Variants in ZNF229 observed in about 807,000 individuals in gnomAD.
ZNF229 encodes the protein zinc finger protein 229.
In ZNF229, 10 loss-of-function variants were observed where a neutral mutation model predicts 11.8. The observed-to-expected ratio is 0.85, with a 90% CI of 0.52 to 1.44. The LOEUF (loss-of-function observed/expected upper bound fraction) is 1.44, where lower values mean the gene tolerates loss of function less well. Ranked by LOEUF, ZNF229 falls within the 40% of genes most tolerant of loss-of-function variation. The pLI is 0.00. For synonymous variants in ZNF229, 368 were observed against 374.8 expected (o/e 0.98, Z 0.21); for missense variants, 1,045 against 1,015.1 (o/e 1.03, Z -0.40).
In ZNF229 at chr19:44,428,867, A is replaced by C; in HGVS notation, c.1914T>G (p.Ser638Arg). Residue 638 changes from serine to arginine, a missense_variant, in exon 6 of 6, where the codon AGT (serine) becomes AGG (arginine). Coordinates refer to ENST00000614049, the MANE Select transcript of ZNF229 (RefSeq NM_014518.4). ...YKCAECGKGF[S>R]YSSGLLIHQR... ...GGTGAATGAGAAGCCCTGAGCTGTA[A>C]CTGAAGCCTTTGCCACACTCAGCAC... 6.2e-7 allele frequency: 1 copy of C among 1,610,716 alleles called. No individual in the cohort carries two copies. The highest frequency in any genetic ancestry group is 8.5e-7 in the Non-Finnish European group (1 of 1,179,214).
At position 44,442,937 on chromosome 19, in the gene ZNF229, T is replaced by C; in HGVS notation, c.-90A>G. The C allele has an allele frequency of 6.7e-7, 1 of 1,491,254 alleles. No homozygotes were observed. The highest frequency in any genetic ancestry group is 1.7e-5 in the Admixed American group (1 of 59,068). The allele number at this position is 1,491,254 out of a possible 1,614,324, so 92.4% of individuals were successfully genotyped here. On this transcript the variant is annotated 5_prime_UTR_variant, in exon 3 of 6. Transcript: ENST00000614049. ...TGGAGACGCAGAAGATCCAGGCCTT[T>C]TTCATTCCGGAAACTCTCCAAGCTC...
At chr19:44,432,391 A>G (rs778069893) in intron 4 of ZNF229, 25 bp from the exon 5 acceptor site, 2 of 1,610,232 alleles carry the variant, frequency 1.2e-6, no homozygotes, top group South Asian at 2.2e-5. Flanking sequence ...CATTAACACA[A>G]ACATCTACTA....
Position 44,428,193 on chromosome 19 carries a change from C to G in ZNF229, c.*110G>C, listed in dbSNP as rs56749977. The G allele has an allele frequency of 2.1e-3, 2,566 of 1,223,310 alleles. 33 individuals carry two copies. In the African/African-American group the frequency reaches 0.025, roughly 12 times the overall value. 75.8% of individuals were successfully genotyped at this position (1,223,310 alleles called of 1,614,324 possible). On this transcript the variant is annotated 3_prime_UTR_variant, in exon 6 of 6. Coordinates refer to ENST00000614049, the MANE Select transcript of ZNF229 (RefSeq NM_014518.4). ...TGCAGACTAGAAAATGTAAAATCAT[C>G]AGTTTCTCCTATAGCCCTCCTACAT...
intron 4 of ZNF229, among the ~76,000 whole-genome samples, chr19:44,436,082 G>C (rs1191251935): frequency 6.6e-6 from 1 of 152,182 alleles, no homozygotes; most frequent in African/African-American, 2.4e-5. Context: ...TAGATACAAG[G>C]AGACCACATT....
In ZNF229 at chr19:44,428,689, T is replaced by A; in HGVS notation, c.2092A>T (p.Asn698Tyr). The change falls in exon 6 of 6, where the codon AAT (asparagine) becomes TAT (tyrosine). Residue 698 changes from asparagine (N) to tyrosine (Y), a missense_variant. Physicochemically the swap from Asn to Tyr is moderately radical, Grantham distance 143 (BLOSUM62 -2). Transcript: ENST00000614049. ...TGCAACCTCTGGTGGGTGCGAAGAT[T>A]AGAGCCATAACTGAATCCCTTGCCA... is the stretch of plus-strand genomic sequence containing the variant. ...QCGKGFSYGS[N>Y]LRTHQRLHTG... 1 of 1,610,766 alleles carries A rather than the reference T, an allele frequency of 6.2e-7. No individual in the cohort carries two copies. The highest frequency in any genetic ancestry group is 8.5e-7 in the Non-Finnish European group (1 of 1,178,972).
At position 44,428,390 on chromosome 19, in the gene ZNF229, C is replaced by T. The variant is rs181482670; in HGVS notation, c.2391G>A (p.Thr797=). Residue 797 remains threonine, a synonymous_variant, in exon 6 of 6, where the codon ACG becomes ACA. Transcript: ENST00000614049. ...QRVHTGEKPY[T]CGVCGKGFSY... ...TGAAGCCTTTCCCACACACACCACA[C>T]GTATAGGGCTTCTCTCCAGTGTGGA... 3.5e-5 allele frequency: 57 copies of T among 1,613,998 alleles called. No homozygotes were observed. The highest frequency in any genetic ancestry group is 3.9e-5 in the Non-Finnish European group (46 of 1,180,036).
Position 44,448,296 on chromosome 19 carries a change from A to G in ZNF229, c.-266+13T>C, listed in dbSNP as rs1014115109. On this transcript the variant is annotated intron_variant, in intron 1 of 5. Coordinates refer to ENST00000614049, the MANE Select transcript of ZNF229 (RefSeq NM_014518.4). ...ATGTTCGATACGTGCGCCTCCTTAC[A>G]CCCCTGCCTCACCAGGCCGAGCTCA... is the stretch of plus-strand genomic sequence containing the variant. The G allele has an allele frequency of 6.6e-6, 1 of 150,936 alleles. No individual in the cohort carries two copies. Among genetic ancestry groups the G allele is most frequent in the African/African-American group, 2.4e-5 (1 of 40,924 alleles). 9.3% of individuals were successfully genotyped at this position (150,936 alleles called of 1,614,324 possible).
rs994978311 is a variant in ZNF229, at chr19:44,427,341, T to G, written c.*962A>C. The G allele has an allele frequency of 6.6e-6, 1 of 151,552 alleles. No individual in the cohort carries two copies. Among genetic ancestry groups the G allele is most frequent in the Non-Finnish European group, 1.5e-5 (1 of 67,956 alleles). The allele number at this position is 151,552 out of a possible 1,614,324, so 9.4% of individuals were successfully genotyped here. On this transcript the variant is annotated 3_prime_UTR_variant, in exon 6 of 6. Coordinates refer to ENST00000614049, the MANE Select transcript of ZNF229 (RefSeq NM_014518.4). ...TTGTGATTTTTAAGATACCTAATAT[T>G]TGATATGTTAAACTATGAAATGAAC...
rs1327690219 is a variant in ZNF229, at chr19:44,426,668, A to G, written c.*1635T>C. The G allele has an allele frequency of 6.6e-6, 1 of 152,210 alleles. No individual in the cohort carries two copies. The allele number at this position is 152,210 out of a possible 1,614,324, so 9.4% of individuals were successfully genotyped here. On this transcript the variant is annotated 3_prime_UTR_variant, in exon 6 of 6. Coordinates refer to ENST00000614049, the MANE Select transcript of ZNF229 (RefSeq NM_014518.4). ...CCTACCAATGGAAACTGGAATATTAACATTTGCTATTTTAAAAATGTTTTA... is the reference window on the plus strand; with the variant it reads ...CCTACCAATGGAAACTGGAATATTAGCATTTGCTATTTTAAAAATGTTTTA...
At chr19:44,445,224 C>G (rs1241465343) in intron 2 of ZNF229, among the ~76,000 whole-genome samples, 5 of 152,166 alleles carry the variant, frequency 3.3e-5, no homozygotes, top group African/African-American at 1.2e-4. Context: ...ACCATCATGT[C>G]TCACCTGCAT....
In ZNF229 at chr19:44,442,955, C is replaced by T. The variant is rs8100383; in HGVS notation, c.-108G>A. Reference sequence around the variant, plus strand: ...AGGCCTTTTTCATTCCGGAAACTCTCCAAGCTCTGACAAGTTCCTGTCTCC... The same window carrying T: ...AGGCCTTTTTCATTCCGGAAACTCTTCAAGCTCTGACAAGTTCCTGTCTCC... On this transcript the variant is annotated 5_prime_UTR_variant, in exon 3 of 6. Transcript: ENST00000614049. 72 of 1,339,000 alleles carry T rather than the reference C, an allele frequency of 5.4e-5. No individual in the cohort carries two copies. The African/African-American group carries it at 9.8e-4, about 18-fold the overall frequency. The allele number at this position is 1,339,000 out of a possible 1,614,324, so 82.9% of individuals were successfully genotyped here.
chr19:44,430,228 G>T lies in ZNF229; in HGVS notation c.553C>A (p.Gln185Lys). 1 of 1,614,130 alleles carries T rather than the reference G, an allele frequency of 6.2e-7. No individual in the cohort carries two copies. The highest frequency in any genetic ancestry group is 1.1e-5 in the South Asian group (1 of 91,084). The change falls in exon 6 of 6, where the codon CAA becomes AAA. Residue 185 changes from glutamine (Q) to lysine (K), a missense_variant. Coordinates refer to ENST00000614049, the MANE Select transcript of ZNF229 (RefSeq NM_014518.4). ...AWRAIRPIPIQGSWAKAFVNQ... is the reference protein window; with the variant it reads ...AWRAIRPIPIKGSWAKAFVNQ... Reference sequence around the variant, plus strand: ...ACAAACGCTTTTGCCCAAGATCCTTGAATGGGGATTGGTCTTATAGCTCTC... The same window carrying T: ...ACAAACGCTTTTGCCCAAGATCCTTTAATGGGGATTGGTCTTATAGCTCTC...
chr19:44,436,556 G>A (rs1423552892), intron 4 of ZNF229, among the ~76,000 whole-genome samples: 1 of 152,114 alleles, frequency 6.6e-6, no homozygotes, highest in Non-Finnish European at 1.5e-5. Context: ...CAAGATGGGA[G>A]GATCACTTGA....
At chr19:44,430,623 T>C (rs1971706562) in intron 5 of ZNF229, 81 bp from the exon 6 acceptor site, 2 of 1,338,288 alleles carry the variant, frequency 1.5e-6, no homozygotes, top group South Asian at 3.0e-5. Flanking sequence ...CTTGAACTAA[T>C]AATAGCCTAG....
rs764517757 is a variant in ZNF229, at chr19:44,428,547, C to T, written c.2234G>A (p.Cys745Tyr). Residue 745 changes from cysteine (C) to tyrosine (Y), a missense_variant, in exon 6 of 6, where the codon TGT becomes TAT. Transcript: ENST00000614049. ...TGAGCTCTGACTATAGCCCTTCCCA[C>T]ACACGTGGCATCTGTATGGCTTCTC... ...TGEKPYRCHV[C>Y]GKGYSQSSHL... 1 of 1,613,816 alleles carries T rather than the reference C, an allele frequency of 6.2e-7. No individual in the cohort carries two copies. Among genetic ancestry groups the T allele is most frequent in the Non-Finnish European group, 8.5e-7 (1 of 1,179,950 alleles).
At position 44,429,363 on chromosome 19, in the gene ZNF229, C is replaced by T. The variant is rs1445413624; in HGVS notation, c.1418G>A (p.Ser473Asn). The change falls in exon 6 of 6, where the codon AGC becomes AAC. Residue 473 changes from serine to asparagine, a missense_variant. Transcript: ENST00000614049. ...CGECGKGFSC[S>N]SHLSSHQKTH... is the part of the protein sequence containing the mutation. Reference sequence around the variant, plus strand: ...CTTCTGATGACTGCTGAGGTGGGAGCTGCAGCTGAATCCCTTTCCACACTC... The same window carrying T: ...CTTCTGATGACTGCTGAGGTGGGAGTTGCAGCTGAATCCCTTTCCACACTC... The T allele has an allele frequency of 6.2e-7, 1 of 1,614,066 alleles. No homozygotes were observed. The highest frequency in any genetic ancestry group is 2.2e-5 in the East Asian group (1 of 44,866).
intron 2 of ZNF229, among the ~76,000 whole-genome samples, chr19:44,445,935 T>A (rs1971995538): frequency 6.6e-6 from 1 of 152,166 alleles, no homozygotes; most frequent in Non-Finnish European, 1.5e-5. Flanking sequence ...ATTTGGGTGC[T>A]AAGGACTATG....
At chr19:44,435,667 C>G (rs1040726803) in intron 4 of ZNF229, among the ~76,000 whole-genome samples, 1 of 152,184 alleles carries the variant, frequency 6.6e-6, no homozygotes, top group Non-Finnish European at 1.5e-5. Context: ...TGTTTGCAGA[C>G]AGTCCAGGTA....
In ZNF229 at chr19:44,427,238, A is replaced by ACCCCCCCC. The variant is rs34703374; in HGVS notation, c.*1057_*1064dup. On this transcript the variant is annotated 3_prime_UTR_variant, in exon 6 of 6. Transcript: ENST00000614049. Reference sequence around the variant, plus strand: ...CAAACCATATCAGACTGTTTCTACAACCCCCCCCCCCGCCCCCACTGATGG... The same window carrying ACCCCCCCC: ...CAAACCATATCAGACTGTTTCTACAACCCCCCCCCCCCCCCCCCCGCCCCCACTGATGG... 101 of 116,680 alleles carry ACCCCCCCC rather than the reference A, an allele frequency of 8.7e-4. 1 individual carries two copies. The highest frequency in any genetic ancestry group is 1.6e-3 in the African/African-American group (45 of 29,022). The allele number at this position is 116,680 out of a possible 1,614,324, so 7.2% of individuals were successfully genotyped here. A position where few individuals can be genotyped will look rare whatever the true frequency, so the allele number is the denominator to read the frequency against.
Sources: allele counts gnomAD v4.1 joint callset (sites outside exome capture counted in the v4.1 genomes callset), GRCh38; gene constraint gnomAD v4.1.1; transcripts MANE v1.5; gene names NCBI Gene and HGNC (gene_info 2026-07-23, HGNC 2026-07-21).